The following CLIC4 variants were observed in gnomAD, a reference collection of about 807,000 sequenced individuals.
The protein encoded by CLIC4 is CLIC family member 4, also known as chloride intracellular channel protein 4.
In CLIC4, 13 loss-of-function variants were observed where a neutral mutation model predicts 24.6. The observed-to-expected ratio is 0.53, with a 90% CI of 0.34 to 0.84. The LOEUF (loss-of-function observed/expected upper bound fraction) is 0.84, where lower values mean the gene tolerates loss of function less well. Among genes scored for constraint, CLIC4 ranks in the 40% least tolerant of loss-of-function variants. CLIC4 has a pLI of 0.01. For synonymous variants in CLIC4, 104 were observed against 111.3 expected (o/e 0.93, Z 0.41); for missense variants, 227 against 301.7 (o/e 0.75, Z 1.83).
At chr1:24,799,542 C>A (rs576131753) in intron 2 of CLIC4, among the ~76,000 whole-genome samples, 48 of 151,644 alleles carry the variant, frequency 3.2e-4, no homozygotes, top group African/African-American at 1.0e-3. Context: ...GCAGCCCCCC[C>A]ATCTGGGAAG....
At chr1:24,771,553 T>C (rs1177933971) in intron 1 of CLIC4, among the ~76,000 whole-genome samples, 4 of 152,178 alleles carry the variant, frequency 2.6e-5, no homozygotes, top group South Asian at 4.1e-4. Flanking sequence ...CAAACCTTTA[T>C]ATATAGGAGA....
At chr1:24,807,311 A>G (rs1639561492) in intron 2 of CLIC4, among the ~76,000 whole-genome samples, 1 of 151,984 alleles carries the variant, frequency 6.6e-6, no homozygotes, top group South Asian at 2.1e-4. Context: ...ACTGTTACAA[A>G]TAAATTTTTG....
chr1:24,791,029 A>G (rs1021768461), intron 1 of CLIC4, among the ~76,000 whole-genome samples: 10 of 152,112 alleles, frequency 6.6e-5, no homozygotes, highest in Non-Finnish European at 7.4e-5. Flanking sequence ...AGTAGTATGT[A>G]GATAGAAAAT....
intron 1 of CLIC4, among the ~76,000 whole-genome samples, chr1:24,785,920 A>C (rs1639263075): frequency 6.6e-6 from 1 of 151,946 alleles, no homozygotes; most frequent in South Asian, 2.1e-4. Context: ...AATAGAAGCC[A>C]GATGACTTTG....
intron 1 of CLIC4, among the ~76,000 whole-genome samples, chr1:24,761,356 G>T (rs906677601): frequency 6.6e-6 from 1 of 152,146 alleles, no homozygotes; most frequent in Non-Finnish European, 1.5e-5. Context: ...AGAAAGAATG[G>T]CAGGAAACCC....
At chr1:24,751,721 G>A (rs1242412939) in intron 1 of CLIC4, among the ~76,000 whole-genome samples, 3 of 152,144 alleles carry the variant, frequency 2.0e-5, no homozygotes, top group South Asian at 2.1e-4. Flanking sequence ...AAAATTAGCC[G>A]GTCGTGGTGG....
intron 2 of CLIC4, among the ~76,000 whole-genome samples, chr1:24,805,347 A>G (rs986963817): frequency 1.3e-5 from 2 of 152,168 alleles, no homozygotes; most frequent in Admixed American, 6.5e-5. Flanking sequence ...AATTTGTTCA[A>G]TTAGTGACTT....
chr1:24,750,859 T>G (rs895339128), intron 1 of CLIC4, among the ~76,000 whole-genome samples: 9 of 152,082 alleles, frequency 5.9e-5, no homozygotes, highest in African/African-American at 1.7e-4. Flanking sequence ...ATGCTAGTTG[T>G]GTATAATTTT....
chr1:24,810,584 T>G (rs890264092), intron 2 of CLIC4, among the ~76,000 whole-genome samples: 2 of 152,110 alleles, frequency 1.3e-5, no homozygotes, highest in Non-Finnish European at 2.9e-5. Context: ...GCCTAGGCAA[T>G]ATGGTGAGAT....
At chr1:24,795,359 T>G (rs895271240) in intron 1 of CLIC4, among the ~76,000 whole-genome samples, 27 of 152,102 alleles carry the variant, frequency 1.8e-4, no homozygotes, top group African/African-American at 6.5e-4. Flanking sequence ...TGAAGGAATG[T>G]GTACAACAGG....
chr1:24,779,306 CA>C (rs1238035809), intron 1 of CLIC4, among the ~76,000 whole-genome samples: 1 of 151,866 alleles, frequency 6.6e-6, no homozygotes, highest in Non-Finnish European at 1.5e-5. Context: ...TCTGATTCTA[CA>C]AAAAATACAA....
chr1:24,798,391 T>C (rs891293913), intron 2 of CLIC4, among the ~76,000 whole-genome samples: 1 of 152,238 alleles, frequency 6.6e-6, no homozygotes, highest in African/African-American at 2.4e-5. Context: ...AGAGCAATTA[T>C]CTGTGGCCCG....
chr1:24,831,559 C>T (rs753731502), intron 4 of CLIC4, among the ~76,000 whole-genome samples: 1 of 152,164 alleles, frequency 6.6e-6, no homozygotes, highest in Non-Finnish European at 1.5e-5. Context: ...CAGACTGATT[C>T]CATTCATTGT....
chr1:24,793,982 C>T (rs906480428), intron 1 of CLIC4, among the ~76,000 whole-genome samples: 9 of 152,142 alleles, frequency 5.9e-5, no homozygotes, highest in African/African-American at 2.2e-4. Context: ...TTTCCATGGA[C>T]GTCATAGTCA....
chr1:24,800,693 G>T (rs1639477610), intron 2 of CLIC4, among the ~76,000 whole-genome samples: 1 of 152,134 alleles, frequency 6.6e-6, no homozygotes, highest in Admixed American at 6.5e-5. Flanking sequence ...AAGTAGACAT[G>T]GGAGACTTTT....
At chr1:24,829,677 TG>T (rs1286508875) in intron 4 of CLIC4, among the ~76,000 whole-genome samples, 1 of 152,212 alleles carries the variant, frequency 6.6e-6, no homozygotes, top group Non-Finnish European at 1.5e-5. Flanking sequence ...CATTGTTGAA[TG>T]TACTCTGAGG....
chr1:24,820,987 C>G (rs1039609797), intron 3 of CLIC4, among the ~76,000 whole-genome samples: 2 of 152,010 alleles, frequency 1.3e-5, no homozygotes, highest in African/African-American at 4.8e-5. Flanking sequence ...AGTTCAAGAC[C>G]AGCCTGGGCA....
At chr1:24,814,602 T>C (rs1173671487) in intron 3 of CLIC4, among the ~76,000 whole-genome samples, 1 of 152,250 alleles carries the variant, frequency 6.6e-6, no homozygotes, top group East Asian at 1.9e-4. Flanking sequence ...GGCACAGGAC[T>C]GCAATGAGAT....
intron 1 of CLIC4, among the ~76,000 whole-genome samples, chr1:24,748,895 A>G (rs1638740374): frequency 6.6e-6 from 1 of 151,626 alleles, no homozygotes; most frequent in African/African-American, 2.4e-5. Flanking sequence ...GGGAAATGCA[A>G]ATGGGGGAAA....
Sources: gnomAD v4.1 joint callset for allele counts (sites outside exome capture counted in the v4.1 genomes callset) on GRCh38, gnomAD v4.1.1 for gene constraint, MANE v1.5 for transcripts, NCBI Gene and HGNC (gene_info 2026-07-23, HGNC 2026-07-21) for gene names.